RAB33B: variants seen among roughly 807,000 people sequenced by gnomAD.
RAB33B encodes RAB33B, member RAS oncogene family.
Under a neutral mutation model 15.0 loss-of-function variants are expected in RAB33B, and 6 were observed. That is an observed-to-expected ratio of 0.40 (90% CI 0.22 to 0.79). The LOEUF is 0.79. Among genes scored for constraint, RAB33B ranks in the 30% least tolerant of loss-of-function variants. RAB33B has a pLI of 0.37. For missense variants in RAB33B, 257 were observed against 296.4 expected (o/e 0.87, Z 0.98); for synonymous variants, 117 against 108.3 (o/e 1.08, Z -0.50).
intron 1 of RAB33B, among the ~76,000 whole-genome samples, chr4:139,454,930 A>G (rs1750035475): frequency 6.6e-6 from 1 of 152,224 alleles, no homozygotes; most frequent in Non-Finnish European, 1.5e-5. Flanking sequence ...GCCTTTGAGG[A>G]AGTACTTAGG....
At chr4:139,440,534 A>G in the RAB33B span, among the ~76,000 whole-genome samples, 1 of 152,128 alleles carries the variant, frequency 6.6e-6, no homozygotes, top group African/African-American at 2.4e-5. Flanking sequence ...CCACTCTAGG[A>G]ACATGTGCAC....
chr4:139,473,314 T>C lies in RAB33B; in HGVS notation c.*188T>C. The C allele has an allele frequency of 1.8e-6, 1 of 571,288 alleles. No individual in the cohort carries two copies. The highest frequency in any genetic ancestry group is 3.0e-5 in the South Asian group (1 of 33,778). 35.4% of individuals were successfully genotyped at this position (571,288 alleles called of 1,614,324 possible). A position where few individuals can be genotyped will look rare whatever the true frequency, so the allele number is the denominator to read the frequency against. Reference sequence around the variant, plus strand: ...CTGTGACAACACAGGAAAAGTTGGTTTTCAGGTGAGATTGAAAATGAAGCA... The same window carrying C: ...CTGTGACAACACAGGAAAAGTTGGTCTTCAGGTGAGATTGAAAATGAAGCA... On this transcript the variant is annotated 3_prime_UTR_variant, in exon 2 of 2. Transcript: ENST00000305626.
At chr4:139,440,615 A>T in the RAB33B span, among the ~76,000 whole-genome samples, 41 of 144,866 alleles carry the variant, frequency 2.8e-4, no homozygotes, top group Non-Finnish European at 5.0e-4. Flanking sequence ...AAATTGACCA[A>T]TTTTTTTTTT....
At chr4:139,467,676 G>C (rs1019766966) in intron 1 of RAB33B, among the ~76,000 whole-genome samples, 3 of 151,510 alleles carry the variant, frequency 2.0e-5, no homozygotes, top group African/African-American at 7.3e-5. Context: ...GGCCAACATG[G>C]TGACAACCCA....
the RAB33B span, among the ~76,000 whole-genome samples, chr4:139,438,999 T>C: frequency 1.3e-5 from 2 of 152,176 alleles, no homozygotes; most frequent in African/African-American, 4.8e-5. Context: ...GGACAGTTTT[T>C]GCCAGGTATG....
chr4:139,438,998 T>C, the RAB33B span, among the ~76,000 whole-genome samples: 1 of 152,170 alleles, frequency 6.6e-6, no homozygotes, highest in Non-Finnish European at 1.5e-5. Flanking sequence ...AGGACAGTTT[T>C]TGCCAGGTAT....
chr4:139,471,794 G>A (rs188201245), intron 1 of RAB33B, among the ~76,000 whole-genome samples: 87 of 152,204 alleles, frequency 5.7e-4, no homozygotes, highest in African/African-American at 1.7e-3. Flanking sequence ...TTTAGGTATC[G>A]TATCTTAAGA....
At chr4:139,444,119 A>T in the RAB33B span, among the ~76,000 whole-genome samples, 18 of 152,300 alleles carry the variant, frequency 1.2e-4, no homozygotes, top group Middle Eastern at 3.4e-3. Flanking sequence ...GGTGTGGGAC[A>T]ATGGTGGAAG....
chr4:139,476,020 G>A lies in RAB33B; in HGVS notation c.*2894G>A, dbSNP rs967220554. On this transcript the variant is annotated 3_prime_UTR_variant, in exon 2 of 2. Coordinates refer to ENST00000305626, the MANE Select transcript of RAB33B (RefSeq NM_031296.3). Reference sequence around the variant, plus strand: ...AATATTATATATATGATACACTTTTGAAAACAACAAAAAGCCCCCAACCCA... The same window carrying A: ...AATATTATATATATGATACACTTTTAAAAACAACAAAAAGCCCCCAACCCA... 4.0e-5 allele frequency: 6 copies of A among 151,810 alleles called. No homozygotes were observed. The highest frequency in any genetic ancestry group is 1.5e-4 in the African/African-American group (6 of 41,316). 9.4% of individuals were successfully genotyped at this position (151,810 alleles called of 1,614,324 possible). A position where few individuals can be genotyped will look rare whatever the true frequency, so the allele number is the denominator to read the frequency against.
chr4:139,452,347 T>C (rs1333226415), upstream of RAB33B: 1 of 152,220 alleles, frequency 6.6e-6, no homozygotes, highest in African/African-American at 2.4e-5. Context: ...GAATTTCTGA[T>C]GTAGTTTACC....
At chr4:139,441,502 A>G in the RAB33B span, among the ~76,000 whole-genome samples, 1 of 152,178 alleles carries the variant, frequency 6.6e-6, no homozygotes, top group Non-Finnish European at 1.5e-5. Flanking sequence ...AAATTTAACC[A>G]CAATGTACTG....
chr4:139,469,739 C>T (rs951877609), intron 1 of RAB33B, among the ~76,000 whole-genome samples: 2 of 152,198 alleles, frequency 1.3e-5, no homozygotes, highest in Admixed American at 6.5e-5. Context: ...GTGGTTCTTG[C>T]AGACTCGTAG....
the RAB33B span, among the ~76,000 whole-genome samples, chr4:139,444,135 C>G: frequency 6.6e-6 from 1 of 152,178 alleles, no homozygotes. Context: ...GGAAGGAACA[C>G]AGAGTTGGAT....
At chr4:139,471,596 G>A in intron 1 of RAB33B, among the ~76,000 whole-genome samples, 1 of 150,664 alleles carries the variant, frequency 6.6e-6, no homozygotes, top group Non-Finnish European at 1.5e-5. Flanking sequence ...GGACATGATA[G>A]GTAGAGCTTT....
intron 1 of RAB33B, among the ~76,000 whole-genome samples, chr4:139,467,478 A>G (rs1750312676): frequency 7.1e-6 from 1 of 141,248 alleles, no homozygotes; most frequent in Non-Finnish European, 1.5e-5. Flanking sequence ...GGTACATTAT[A>G]TGTTTTGATG....
chr4:139,463,270 A>G (rs1019371206), intron 1 of RAB33B, among the ~76,000 whole-genome samples: 16 of 152,180 alleles, frequency 1.1e-4, no homozygotes, highest in African/African-American at 3.9e-4. Flanking sequence ...GTTCAAGCCT[A>G]TTAAAGGCGT....
upstream of RAB33B, chr4:139,454,096 A>G (rs917025427): frequency 1.1e-5 from 15 of 1,401,390 alleles, no homozygotes; most frequent in African/African-American, 7.2e-5. Context: ...GAAGTTGCGC[A>G]GCCGAACTGG....
chr4:139,470,988 G>C (rs1185519821), intron 1 of RAB33B, among the ~76,000 whole-genome samples: 3 of 152,166 alleles, frequency 2.0e-5, no homozygotes, highest in Non-Finnish European at 4.4e-5. Context: ...TTTTGGAGCT[G>C]TGAGCTGTGC....
intron 1 of RAB33B, among the ~76,000 whole-genome samples, chr4:139,467,757 C>G (rs1750317282): frequency 6.6e-6 from 1 of 151,610 alleles, no homozygotes; most frequent in South Asian, 2.1e-4. Flanking sequence ...ACTCAGGTGG[C>G]TGAGGCAGGA....
Sources: gnomAD v4.1 joint callset for allele counts (sites outside exome capture counted in the v4.1 genomes callset) on GRCh38, gnomAD v4.1.1 for gene constraint, MANE v1.5 for transcripts, NCBI Gene and HGNC (gene_info 2026-07-23, HGNC 2026-07-21) for gene names.